The following ABLIM1 variants were observed in gnomAD, a reference collection of about 807,000 sequenced individuals.
ABLIM1 encodes actin-binding LIM protein 1.
ABLIM1 carries 40 observed loss-of-function variants against 107.0 expected under a neutral mutation model. The ratio of observed to expected loss-of-function variants is 0.37; its 90% CI spans 0.29 to 0.49. ABLIM1 has a LOEUF of 0.49. Among genes scored for constraint, ABLIM1 ranks in the 20% least tolerant of loss-of-function variants. The pLI is 0.97. For missense variants in ABLIM1, 857 were observed against 1,008.5 expected, an observed-to-expected ratio of 0.85 and a Z score of 2.04; for synonymous variants, 357 against 357.3, an observed-to-expected ratio of 1.00 and a Z score of 0.01.
chr10:114,562,333 T>C (rs938871704), intron 4 of ABLIM1, among the ~76,000 whole-genome samples: 2 of 152,058 alleles, frequency 1.3e-5, no homozygotes, highest in South Asian at 4.1e-4. Context: ...ATCGAGACCA[T>C]CCTGGCTAAC....
chr10:114,537,589 G>C (rs2066178509), intron 6 of ABLIM1, among the ~76,000 whole-genome samples: 1 of 152,194 alleles, frequency 6.6e-6, no homozygotes, highest in Non-Finnish European at 1.5e-5. Context: ...AAATGAAGGT[G>C]ACTAGTAACT....
intron 4 of ABLIM1, among the ~76,000 whole-genome samples, chr10:114,548,049 T>C (rs1005227776): frequency 6.6e-6 from 1 of 152,222 alleles, no homozygotes; most frequent in African/African-American, 2.4e-5. Context: ...GGGGGTTTTT[T>C]AATGTATCCT....
chr10:114,748,966 C>T (rs1273002160), intron 1 of ABLIM1, among the ~76,000 whole-genome samples: 2 of 152,160 alleles, frequency 1.3e-5, no homozygotes, highest in African/African-American at 2.4e-5. Context: ...AGCCATCTCA[C>T]CCAGCAAGCG....
intron 8 of ABLIM1, among the ~76,000 whole-genome samples, chr10:114,478,630 A>T (rs527348800): frequency 1.3e-5 from 2 of 152,306 alleles, no homozygotes; most frequent in East Asian, 3.9e-4. Context: ...GCCTTCTGCC[A>T]TGATTGTTAA....
At chr10:114,548,566 T>C (rs1038563935) in intron 4 of ABLIM1, among the ~76,000 whole-genome samples, 1 of 152,226 alleles carries the variant, frequency 6.6e-6, no homozygotes, top group African/African-American at 2.4e-5. Context: ...ATTTAATAGA[T>C]TTAGCAGTAG....
In ABLIM1 at chr10:114,465,784, C is replaced by T. The variant is rs752780587; in HGVS notation, c.1355G>A (p.Ser452Asn). Reference protein sequence around the residue: ...VRDRMIHRSTSQGSINSPVYS... With the variant: ...VRDRMIHRSTNQGSINSPVYS... ...CACAGGGGAGTTGATGGAGCCCTGG[C>T]TCGTGGACCGATGGATCATCCGATC... The change falls in exon 12 of 23, where the codon AGC becomes AAC. Residue 452 changes from serine (S) to asparagine (N), a missense_variant. Physicochemically the swap from Ser to Asn is conservative, Grantham distance 46. Coordinates refer to ENST00000533213, the MANE Select transcript of ABLIM1 (RefSeq NM_002313.7). 2 of 1,614,100 alleles carry T rather than the reference C, an allele frequency of 1.2e-6. No individual in the cohort carries two copies. The highest frequency in any genetic ancestry group is 1.7e-5 in the Admixed American group (1 of 60,006).
At chr10:114,637,170 G>A (rs1303593097) in intron 1 of ABLIM1, among the ~76,000 whole-genome samples, 2 of 152,106 alleles carry the variant, frequency 1.3e-5, no homozygotes, top group African/African-American at 4.8e-5. Flanking sequence ...CTGGGAAGGA[G>A]GCCTGAGTGG....
chr10:114,576,374 A>G (rs190699956), intron 2 of ABLIM1, among the ~76,000 whole-genome samples: 3 of 152,314 alleles, frequency 2.0e-5, no homozygotes, highest in African/African-American at 4.8e-5. Flanking sequence ...GACAGTAAAG[A>G]TCTCTCTCTG....
chr10:114,627,999 G>T (rs2077927873), intron 1 of ABLIM1, among the ~76,000 whole-genome samples: 1 of 152,150 alleles, frequency 6.6e-6, no homozygotes, highest in Non-Finnish European at 1.5e-5. Context: ...GTGCATGCCT[G>T]TAATCCCAGC....
At chr10:114,547,186 C>T (rs2067467258) in intron 5 of ABLIM1, among the ~76,000 whole-genome samples, 1 of 151,250 alleles carries the variant, frequency 6.6e-6, no homozygotes, top group African/African-American at 2.4e-5. Flanking sequence ...ACTTCCTTAA[C>T]TGTAGCTATT....
At chr10:114,739,165 C>T (rs2082240684) in intron 1 of ABLIM1, among the ~76,000 whole-genome samples, 1 of 152,190 alleles carries the variant, frequency 6.6e-6, no homozygotes, top group Non-Finnish European at 1.5e-5. Flanking sequence ...CACAGAATTG[C>T]ATTTCTTTCT....
At chr10:114,470,674 C>T (rs902440895) in intron 10 of ABLIM1, among the ~76,000 whole-genome samples, 2 of 152,122 alleles carry the variant, frequency 1.3e-5, no homozygotes, top group African/African-American at 4.8e-5. Context: ...CAGCATTTTT[C>T]TTAAGCACTT....
chr10:114,718,054 A>AAAGAAAGG (rs1555227704), intron 1 of ABLIM1, among the ~76,000 whole-genome samples: 48 of 69,386 alleles, frequency 6.9e-4, no homozygotes, highest in Admixed American at 1.0e-3. Context: ...AGAAAGAAAG[A>AAAGAAAGG]AAGAAAGAAA....
intron 1 of ABLIM1, among the ~76,000 whole-genome samples, chr10:114,751,580 T>C (rs1757069760): frequency 6.6e-6 from 1 of 151,480 alleles, no homozygotes; most frequent in Admixed American, 6.6e-5. Context: ...TGAAACCCCG[T>C]CTCTACTAAA....
chr10:114,505,592 A>T (rs2061018668), intron 6 of ABLIM1, among the ~76,000 whole-genome samples: 1 of 152,220 alleles, frequency 6.6e-6, no homozygotes, highest in Admixed American at 6.5e-5. Context: ...TTAATATCTT[A>T]GTCATGACTT....
chr10:114,787,723 G>A, the ABLIM1 span, among the ~76,000 whole-genome samples: 5 of 130,656 alleles, frequency 3.8e-5, no homozygotes, highest in Non-Finnish European at 5.0e-5. Context: ...TCAGCCCCCC[G>A]CCCGGCCAGC....
intron 1 of ABLIM1, among the ~76,000 whole-genome samples, chr10:114,640,801 TA>T (rs1218976154): frequency 6.6e-6 from 1 of 152,032 alleles, no homozygotes; most frequent in Non-Finnish European, 1.5e-5. Flanking sequence ...AAATAGAAAA[TA>T]AGAACTACTG....
the ABLIM1 span, among the ~76,000 whole-genome samples, chr10:114,773,854 T>C: frequency 6.7e-6 from 1 of 150,140 alleles, no homozygotes; most frequent in East Asian, 1.9e-4. Context: ...TATATATAAA[T>C]ATATATGTAA....
At chr10:114,514,313 AAT>A (rs2062449895) in intron 6 of ABLIM1, among the ~76,000 whole-genome samples, 1 of 152,036 alleles carries the variant, frequency 6.6e-6, no homozygotes, top group Admixed American at 6.6e-5. Context: ...AAAAAAAAAA[AAT>A]AAAGTGAAAT....
Sources: gnomAD v4.1 joint callset for allele counts (sites outside exome capture counted in the v4.1 genomes callset) on GRCh38, gnomAD v4.1.1 for gene constraint, MANE v1.5 for transcripts, NCBI Gene and HGNC (gene_info 2026-07-23, HGNC 2026-07-21) for gene names.